PPARGC1A: variants seen among roughly 807,000 people sequenced by gnomAD.
PPARGC1A encodes peroxisome proliferator-activated receptor gamma coactivator 1-alpha.
A neutral mutation model predicts 88.7 loss-of-function variants in PPARGC1A; 25 were observed. The ratio of observed to expected loss-of-function variants is 0.28; its 90% CI spans 0.21 to 0.39. The LOEUF is 0.39. Ranked by LOEUF, PPARGC1A falls within the 10% of genes least tolerant of loss-of-function variation. PPARGC1A has a pLI of 1.00. For synonymous variants in PPARGC1A, 363 were observed against 355.6 expected, an observed-to-expected ratio of 1.02 and a Z score of -0.24; for missense variants, 880 against 968.7, an observed-to-expected ratio of 0.91 and a Z score of 1.22.
At chr4:23,974,914 C>CA in the PPARGC1A span, among the ~76,000 whole-genome samples, 10 of 149,082 alleles carry the variant, frequency 6.7e-5, no homozygotes, top group African/African-American at 1.2e-4. Context: ...CTCGGCCTCC[C>CA]AAAGTGCTGG....
At chr4:23,911,371 G>T in the PPARGC1A span, among the ~76,000 whole-genome samples, 3 of 152,182 alleles carry the variant, frequency 2.0e-5, no homozygotes, top group South Asian at 6.2e-4. Context: ...TCCCCATAAG[G>T]TGTCACCAAT....
chr4:23,839,818 G>T (rs1726727967), intron 2 of PPARGC1A, among the ~76,000 whole-genome samples: 1 of 151,992 alleles, frequency 6.6e-6, no homozygotes, highest in Non-Finnish European at 1.5e-5. Context: ...AGAAGTTTGT[G>T]CAGGGAAAGT....
the PPARGC1A span, among the ~76,000 whole-genome samples, chr4:24,063,273 C>A: frequency 6.6e-6 from 1 of 152,160 alleles, no homozygotes; most frequent in African/African-American, 2.4e-5. Context: ...CCAAGAGAGT[C>A]AACTCCCTCA....
At chr4:24,423,690 G>A in the PPARGC1A span, among the ~76,000 whole-genome samples, 1 of 152,150 alleles carries the variant, frequency 6.6e-6, no homozygotes. Flanking sequence ...ATATGTCATT[G>A]TCAGTTATTT....
intron 3 of PPARGC1A, 141 bp downstream of exon 3, chr4:23,831,416 G>A (rs1577430836): frequency 1.5e-6 from 1 of 661,416 alleles, no homozygotes; most frequent in Non-Finnish European, 2.5e-6. Flanking sequence ...CACACAATTT[G>A]CAACTCTGAG....
chr4:23,978,732 A>T, the PPARGC1A span, among the ~76,000 whole-genome samples: 5 of 152,188 alleles, frequency 3.3e-5, no homozygotes, highest in Admixed American at 2.0e-4. Context: ...GCTTTTTAGA[A>T]GAATATTTTA....
chr4:23,943,378 AG>A, the PPARGC1A span, among the ~76,000 whole-genome samples: 32 of 89,960 alleles, frequency 3.6e-4, no homozygotes, highest in African/African-American at 1.2e-3. Flanking sequence ...ATAAATTAAA[AG>A]GTTTTTTTTT....
chr4:23,852,116 C>T (rs115245632), intron 2 of PPARGC1A, among the ~76,000 whole-genome samples: 270 of 152,144 alleles, frequency 1.8e-3, no homozygotes, highest in African/African-American at 6.4e-3. Context: ...ACAATTAATC[C>T]CCACTAAGGA....
the PPARGC1A span, among the ~76,000 whole-genome samples, chr4:24,257,359 G>A: frequency 6.6e-6 from 1 of 152,116 alleles, no homozygotes; most frequent in African/African-American, 2.4e-5. Flanking sequence ...ATTTCTCTAT[G>A]ATCGATTTTA....
chr4:24,112,509 G>A, the PPARGC1A span, among the ~76,000 whole-genome samples: 2 of 152,158 alleles, frequency 1.3e-5, no homozygotes, highest in Admixed American at 6.6e-5. Flanking sequence ...AAGTTGGCAA[G>A]TAGGCCATTT....
At chr4:24,252,862 A>G in the PPARGC1A span, among the ~76,000 whole-genome samples, 1 of 152,080 alleles carries the variant, frequency 6.6e-6, no homozygotes, top group Non-Finnish European at 1.5e-5. Flanking sequence ...TTTCCTTGTA[A>G]GTTTGTCAGT....
the PPARGC1A span, among the ~76,000 whole-genome samples, chr4:24,190,055 T>C: frequency 2.4e-3 from 364 of 152,270 alleles, 2 homozygotes; most frequent in African/African-American, 8.4e-3. Flanking sequence ...CATGATGCTG[T>C]GACATGCTTG....
the PPARGC1A span, among the ~76,000 whole-genome samples, chr4:24,132,268 G>C: frequency 1.3e-5 from 2 of 150,196 alleles, no homozygotes; most frequent in African/African-American, 4.9e-5. Context: ...CAATCTGCCA[G>C]AGTACCTTTA....
the PPARGC1A span, among the ~76,000 whole-genome samples, chr4:24,162,457 G>A: frequency 6.6e-6 from 1 of 152,146 alleles, no homozygotes; most frequent in Admixed American, 6.5e-5. Flanking sequence ...AGTGGGCCTT[G>A]GACAAGTGAG....
chr4:24,156,484 T>C, the PPARGC1A span, among the ~76,000 whole-genome samples: 1 of 152,084 alleles, frequency 6.6e-6, no homozygotes, highest in Non-Finnish European at 1.5e-5. Flanking sequence ...GAAAGGACTG[T>C]CAAGGGGTGG....
chr4:24,094,933 T>G, the PPARGC1A span, among the ~76,000 whole-genome samples: 2 of 152,152 alleles, frequency 1.3e-5, no homozygotes, highest in Non-Finnish European at 2.9e-5. Context: ...TTTCAAGAAC[T>G]CTAAGTCTTT....
chr4:23,987,335 A>G, the PPARGC1A span, among the ~76,000 whole-genome samples: 1 of 151,940 alleles, frequency 6.6e-6, no homozygotes, highest in African/African-American at 2.4e-5. Flanking sequence ...ACAGATCCAA[A>G]CCTTTGCATG....
chr4:24,265,071 C>CTT, the PPARGC1A span, among the ~76,000 whole-genome samples: 1 of 152,056 alleles, frequency 6.6e-6, no homozygotes, highest in African/African-American at 2.4e-5. Flanking sequence ...GACCACGGAA[C>CTT]CCTTTGGCAT....
the PPARGC1A span, among the ~76,000 whole-genome samples, chr4:23,988,213 C>A: frequency 6.6e-6 from 1 of 151,912 alleles, no homozygotes. Flanking sequence ...TGGTTCCAGG[C>A]CTTTGCTATT....
Sources: gnomAD v4.1 joint callset for allele counts (sites outside exome capture counted in the v4.1 genomes callset) on GRCh38, gnomAD v4.1.1 for gene constraint, MANE v1.5 for transcripts, NCBI Gene and HGNC (gene_info 2026-07-23, HGNC 2026-07-21) for gene names.